PCBP3: variants seen among roughly 807,000 people sequenced by gnomAD.
PCBP3 encodes poly(rC)-binding protein 3.
Under a neutral mutation model 52.7 loss-of-function variants are expected in PCBP3, and 25 were observed. That is an observed-to-expected ratio of 0.47 (90% CI 0.35 to 0.66). The LOEUF (loss-of-function observed/expected upper bound fraction) is 0.66. Ranked by LOEUF, PCBP3 falls within the 30% of genes least tolerant of loss-of-function variation. The probability of loss-of-function intolerance (pLI) is 0.01; values close to 1 mark genes in which losing one functional copy is unlikely to be tolerated. For missense variants in PCBP3, 391 were observed against 490.3 expected (o/e 0.80, Z 1.91); for synonymous variants, 162 against 183.0 (o/e 0.89, Z 0.93).
chr21:45,902,462 G>A (rs1156385564), intron 9 of PCBP3, among the ~76,000 whole-genome samples: 1 of 152,242 alleles, frequency 6.6e-6, no homozygotes, highest in East Asian at 1.9e-4. Flanking sequence ...ACGCCGCTTG[G>A]GGATGGTTTA....
At chr21:45,769,943 GGAA>G (rs1375793651) in intron 4 of PCBP3, among the ~76,000 whole-genome samples, 13 of 152,236 alleles carry the variant, frequency 8.5e-5, no homozygotes, top group East Asian at 3.8e-4. Context: ...AAGACAAAAT[GGAA>G]GAAGAACTTT....
At chr21:45,644,446 G>T (rs1457497453) in intron 1 of PCBP3, among the ~76,000 whole-genome samples, 1 of 152,094 alleles carries the variant, frequency 6.6e-6, no homozygotes, top group Non-Finnish European at 1.5e-5. Context: ...GGGGTGGTTA[G>T]AACGTGTTTC....
rs2086412442 is a variant in PCBP3, at chr21:45,741,074, T to C, written c.-162+5645T>C. 6.6e-6 allele frequency among the ~76,000 whole-genome samples: 1 copy of C among 152,126 alleles called. No homozygotes were observed. The highest frequency in any genetic ancestry group is 2.4e-5 in the African/African-American group (1 of 41,416). On this transcript the variant is annotated intron_variant, in intron 3 of 17. Transcript: ENST00000681687. This position sits in a 1 kb window ranked among gnomAD's most constrained non-coding sequence, Gnocchi z 4.5. ...GGGATGGCTTCACTCCAGCTCCTCC[T>C]TATTTGGCCCCAGAGCACTGGGAAC...
At chr21:45,878,884 ATCT>A (rs1182555505) in intron 5 of PCBP3, among the ~76,000 whole-genome samples, 2 of 152,174 alleles carry the variant, frequency 1.3e-5, no homozygotes, top group Non-Finnish European at 2.9e-5. Context: ...GATCCACAAG[ATCT>A]TCAGAGCAGC....
chr21:45,900,186 C>T (rs911447932), intron 7 of PCBP3, among the ~76,000 whole-genome samples: 2 of 152,184 alleles, frequency 1.3e-5, no homozygotes, highest in Non-Finnish European at 2.9e-5. Context: ...CCGGCTTCCT[C>T]CCAAACGCTT....
chr21:45,767,226 C>T (rs2089427867), intron 4 of PCBP3, among the ~76,000 whole-genome samples: 1 of 152,150 alleles, frequency 6.6e-6, no homozygotes, highest in South Asian at 2.1e-4. Flanking sequence ...TCCCCCCTTT[C>T]CCCAGCCCCT....
chr21:45,922,203 G>A (rs764897286), intron 13 of PCBP3, among the ~76,000 whole-genome samples: 2 of 152,272 alleles, frequency 1.3e-5, no homozygotes, highest in East Asian at 1.9e-4. Context: ...TAATTACAGC[G>A]GGGAAGTTAC....
intron 4 of PCBP3, chr21:45,760,198 C>G (rs1371353393): frequency 6.6e-6 from 1 of 152,142 alleles, no homozygotes; most frequent in East Asian, 1.9e-4. Context: ...CAGGGTCTCA[C>G]CACGTTGCCC....
intron 5 of PCBP3, 130 bp from the exon 6 acceptor site, chr21:45,896,078 G>C (rs2095818050): frequency 3.7e-6 from 3 of 808,070 alleles, no homozygotes; most frequent in Non-Finnish European, 6.0e-6. Context: ...GGCCTGGTCA[G>C]CACATGGTGG....
intron 4 of PCBP3, among the ~76,000 whole-genome samples, chr21:45,774,949 A>T (rs565295926): frequency 6.6e-6 from 1 of 152,210 alleles, no homozygotes; most frequent in Non-Finnish European, 1.5e-5. Context: ...GTCTGTGTTC[A>T]TCAGGGATAT....
chr21:45,833,671 G>A lies in PCBP3; in HGVS notation c.-125-16290G>A, dbSNP rs115143966. On this transcript the variant is annotated intron_variant, in intron 4 of 17. Coordinates refer to ENST00000681687, the MANE Select transcript of PCBP3 (RefSeq NM_001384156.1). Reference sequence around the variant, plus strand: ...GATGGTGCCCAGGCCTAGTGTATGCGCCCATGAATGTGAGTGGCCAGTGCC... The same window carrying A: ...GATGGTGCCCAGGCCTAGTGTATGCACCCATGAATGTGAGTGGCCAGTGCC... Among the ~76,000 whole-genome samples the A allele has an allele frequency of 5.3e-3, 805 of 152,326 alleles. 4 individuals carry two copies. The highest frequency in any genetic ancestry group is 0.018 in the African/African-American group (750 of 41,586).
At chr21:45,910,411 G>C (rs2096363723) in intron 10 of PCBP3, among the ~76,000 whole-genome samples, 1 of 151,840 alleles carries the variant, frequency 6.6e-6, no homozygotes, top group African/African-American at 2.4e-5. Flanking sequence ...AGACAGCCCT[G>C]AGCCATCGGC....
chr21:45,765,012 C>T (rs533538565), intron 4 of PCBP3, among the ~76,000 whole-genome samples: 2 of 152,244 alleles, frequency 1.3e-5, no homozygotes, highest in African/African-American at 2.4e-5. Flanking sequence ...TGTGGCGAGA[C>T]GTGGACTTGC....
intron 4 of PCBP3, among the ~76,000 whole-genome samples, chr21:45,847,460 T>C (rs1365123582): frequency 6.6e-6 from 1 of 152,254 alleles, no homozygotes. Context: ...TATGTCAAAT[T>C]TCCCAGTGGT....
At chr21:45,688,720 A>G (rs894654626) in intron 2 of PCBP3, among the ~76,000 whole-genome samples, 12 of 152,078 alleles carry the variant, frequency 7.9e-5, no homozygotes, top group African/African-American at 2.4e-4. Flanking sequence ...CTTTGGCTCA[A>G]CTGATCAGGA....
At chr21:45,718,315 AT>A (rs895412150) in intron 2 of PCBP3, among the ~76,000 whole-genome samples, 3 of 147,102 alleles carry the variant, frequency 2.0e-5, no homozygotes, top group African/African-American at 7.6e-5. Flanking sequence ...TTTAATTTCT[AT>A]TTCTATTTAG....
chr21:45,692,429 C>A (rs2082540835), intron 2 of PCBP3, among the ~76,000 whole-genome samples: 1 of 151,274 alleles, frequency 6.6e-6, no homozygotes, highest in Non-Finnish European at 1.5e-5. Flanking sequence ...ACATGAATAT[C>A]AAGAATGAAA....
chr21:45,940,863 C>T (rs1244966668), intron 17 of PCBP3, among the ~76,000 whole-genome samples: 2 of 152,222 alleles, frequency 1.3e-5, no homozygotes, highest in Non-Finnish European at 2.9e-5. Flanking sequence ...AAGGAACATC[C>T]GTCCTCTCTC....
intron 9 of PCBP3, among the ~76,000 whole-genome samples, chr21:45,902,733 C>T (rs2096093698): frequency 6.6e-6 from 1 of 152,258 alleles, no homozygotes. Context: ...TGCTGGGCAG[C>T]CCGCTCCTGG....
Sources: gnomAD v4.1 joint callset for allele counts (sites outside exome capture counted in the v4.1 genomes callset) on GRCh38, gnomAD v4.1.1 for gene constraint, Gnocchi (gnomAD v3.1) non-coding constraint, MANE v1.5 for transcripts, NCBI Gene and HGNC (gene_info 2026-07-23, HGNC 2026-07-21) for gene names.